Variants in F9 observed in about 807,000 individuals in gnomAD.
F9 encodes the protein coagulation factor IX.
Under a neutral mutation model 34.1 loss-of-function variants are expected in F9, and 2 were observed. That is an observed-to-expected ratio of 0.06 (90% CI 0.02 to 0.18). The LOEUF (loss-of-function observed/expected upper bound fraction) is 0.18, where lower values mean the gene tolerates loss of function less well. F9 is among the 10% of genes least tolerant of loss of function. The pLI, the probability that F9 is intolerant of heterozygous loss-of-function variation, is 1.00. For missense variants in F9, 216 were observed against 345.1 expected (o/e 0.63, Z 2.96); for synonymous variants, 137 against 118.8 (o/e 1.15, Z -1.00).
chrX:139,540,939 A>G (rs1203488183), intron 3 of F9, 137 bp from the exon 4 acceptor site: 1 of 409,016 alleles, frequency 2.4e-6, no homozygotes, highest in Non-Finnish European at 4.4e-6. Context: ...TCATATGCCT[A>G]TAGGCAGCTG....
At chrX:139,550,657 C>T (rs4149711) in intron 5 of F9, among the ~76,000 whole-genome samples, 232 of 111,572 alleles carry the variant, frequency 2.1e-3, no homozygotes, top group African/African-American at 6.4e-3. Context: ...GCAGAAGTCC[C>T]ATTTACCAAA....
intron 6 of F9, 55 bp from the exon 7 acceptor site, chrX:139,560,685 AT>A (rs1928076473): frequency 1.1e-6 from 1 of 875,125 alleles, no homozygotes; most frequent in South Asian, 2.0e-5. Context: ...ACACATATTT[AT>A]TTTTTTCTAG....
At chrX:139,537,965 C>T (rs751060568) in intron 3 of F9, among the ~76,000 whole-genome samples, 1 of 111,400 alleles carries the variant, frequency 9.0e-6, no homozygotes, top group South Asian at 3.8e-4. Context: ...GACTCCCTCA[C>T]CTCCTTCGGG....
chrX:139,547,990 GTT>G, intron 4 of F9: 1 of 177,354 alleles, frequency 5.6e-6, no homozygotes, highest in Non-Finnish European at 1.0e-5. Flanking sequence ...TCAGTTTAGT[GTT>G]TAAACAGGCT....
chrX:139,537,538 A>G, intron 3 of F9, 152 bp downstream of exon 3: 2 of 472,084 alleles, frequency 4.2e-6, no homozygotes, highest in Non-Finnish European at 7.4e-6. Context: ...ATGGTGATAT[A>G]CTACAGGGTT....
chrX:139,562,139 A>G lies in F9; in HGVS notation c.*68A>G, dbSNP rs1181171989. 6.4e-6 allele frequency: 6 copies of G among 935,345 alleles called. No individual in the cohort carries two copies. In the South Asian group the frequency reaches 1.2e-4, roughly 19 times the overall value. 77.1% of individuals were successfully genotyped at this position (935,345 alleles called of 1,213,427 possible). A position where few individuals can be genotyped will look rare whatever the true frequency, so the allele number is the denominator to read the frequency against. On this transcript the variant is annotated 3_prime_UTR_variant, in exon 8 of 8. Transcript: ENST00000218099. ...TAACAGGGCCTCTCACTAACTAATC[A>G]CTTTCCCATCTTTTGTTAGATTTGA...
chrX:139,560,999 C>T (rs757168762), intron 7 of F9, 144 bp downstream of exon 7: 5 of 508,943 alleles, frequency 9.8e-6, no homozygotes, highest in African/African-American at 2.3e-5. Context: ...GAACCCACGT[C>T]GCACCGTCCT....
intron 1 of F9, among the ~76,000 whole-genome samples, chrX:139,532,683 TAGAG>T (rs1402612649): frequency 8.9e-6 from 1 of 111,871 alleles, no homozygotes; most frequent in Non-Finnish European, 1.9e-5. Flanking sequence ...AAACAATTGA[TAGAG>T]AGAGAATATT....
intron 1 of F9, 43 bp from the exon 2 acceptor site, chrX:139,536,967 T>G: frequency 1.8e-6 from 2 of 1,133,092 alleles, no homozygotes; most frequent in Non-Finnish European, 2.4e-6. Context: ...TCATGATGTT[T>G]TCTTTTTTGC....
At chrX:139,544,285 A>G (rs1039810875) in intron 4 of F9, among the ~76,000 whole-genome samples, 2 of 111,750 alleles carry the variant, frequency 1.8e-5, no homozygotes, top group African/African-American at 6.5e-5. Context: ...TCGTAGCAAC[A>G]AAATGATAGC....
rs1011346009 is a variant in F9 at position 139,536,573 on chromosome X, C to T, written c.89-437C>T. 5.4e-5 allele frequency among the ~76,000 whole-genome samples: 6 copies of T among 111,016 alleles called. No homozygotes were observed. In the Admixed American group the frequency reaches 5.8e-4, roughly 11 times the overall value. On this transcript the variant is annotated intron_variant, in intron 1 of 7. Coordinates refer to ENST00000218099, the MANE Select transcript of F9 (RefSeq NM_000133.4). ...CACTGGGGTCACATTTGCAGCTGGA[C>T]CATAATTAGGCTTCTGTTCTTCAGG...
chrX:139,548,239 G>T, intron 4 of F9, 124 bp from the exon 5 acceptor site: 1 of 713,083 alleles, frequency 1.4e-6, no homozygotes, highest in Non-Finnish European at 2.1e-6. Context: ...TCTCCCCAAC[G>T]TATATTGGGG....
chrX:139,544,120 C>T (rs2148359242), intron 4 of F9, among the ~76,000 whole-genome samples: 1 of 112,032 alleles, frequency 8.9e-6, no homozygotes, highest in South Asian at 3.7e-4. Context: ...GCCAATGACA[C>T]AGAATCACAA....
chrX:139,530,855 T>C lies in F9; in HGVS notation c.88+3T>C, dbSNP rs1732413050. ...TCTACTCAGTGCTGAATGTACAGGT[T>C]TGTTTCCTTTTTTAAAATACATTGA... On this transcript the variant is annotated splice_donor_region_variant and intron_variant, in intron 1 of 7. Coordinates refer to ENST00000218099, the MANE Select transcript of F9 (RefSeq NM_000133.4). 1 of 1,184,342 alleles carries C rather than the reference T, an allele frequency of 8.4e-7. No homozygotes were observed. Among genetic ancestry groups the C allele is most frequent in the African/African-American group, 1.8e-5 (1 of 56,763 alleles).
intron 6 of F9, among the ~76,000 whole-genome samples, chrX:139,555,365 T>C (rs776155545): frequency 1.8e-5 from 2 of 112,574 alleles, no homozygotes; most frequent in Non-Finnish European, 3.8e-5. Context: ...CGCTCATTTC[T>C]TACCTTATTC....
chrX:139,535,756 C>A (rs757471247), intron 1 of F9, among the ~76,000 whole-genome samples: 3 of 109,559 alleles, frequency 2.7e-5, no homozygotes, highest in Non-Finnish European at 5.6e-5. Context: ...AACACACAAA[C>A]ACATGTGTGT....
chrX:139,536,507 T>C, intron 1 of F9, among the ~76,000 whole-genome samples: 1 of 111,456 alleles, frequency 9.0e-6, no homozygotes, highest in South Asian at 3.8e-4. Context: ...ATTGCTTTTT[T>C]AAATTAATGC....
rs61731481 is a variant in F9, at chrX:139,561,942, G to T, written c.1257G>T (p.Val419=). Residue 419 remains valine, a synonymous_variant, in exon 8 of 8, where the codon GTG becomes GTT. Transcript: ENST00000218099. ...GTGGGGGACCCCATGTTACTGAAGT[G>T]GAAGGGACCAGTTTCTTAACTGGAA... ...GDSGGPHVTE[V]EGTSFLTGII... 189 of 1,210,131 alleles carry T rather than the reference G, an allele frequency of 1.6e-4. 1 individual carries two copies. In the African/African-American group the frequency reaches 2.8e-3, roughly 18 times the overall value.
chrX:139,554,287 T>C (rs1927917930), intron 6 of F9, among the ~76,000 whole-genome samples: 1 of 112,357 alleles, frequency 8.9e-6, no homozygotes, highest in East Asian at 2.8e-4. Context: ...TGTGCACACA[T>C]ACACATGCAC....
Sources: gnomAD v4.1 joint callset for allele counts (sites outside exome capture counted in the v4.1 genomes callset) on GRCh38, gnomAD v4.1.1 for gene constraint, MANE v1.5 for transcripts, NCBI Gene and HGNC (gene_info 2026-07-23, HGNC 2026-07-21) for gene names.